Variants in FSTL5 observed in about 807,000 individuals in gnomAD.
FSTL5 encodes follistatin like 5, also known as follistatin-related protein 5.
In FSTL5, 62 loss-of-function variants were observed where a neutral mutation model predicts 89.1. That is an observed-to-expected ratio of 0.70 (90% CI 0.57 to 0.86). The LOEUF (loss-of-function observed/expected upper bound fraction) is 0.86. FSTL5 is among the 40% of genes least tolerant of loss of function. The pLI, the probability that FSTL5 is intolerant of heterozygous loss-of-function variation, is 0.00. For missense variants in FSTL5, 1,057 were observed against 1,001.6 expected (o/e 1.06, Z -0.75); for synonymous variants, 383 against 346.2 (o/e 1.11, Z -1.18).
chr4:161,684,478 G>A (rs1187053442), intron 6 of FSTL5, among the ~76,000 whole-genome samples: 1 of 152,124 alleles, frequency 6.6e-6, no homozygotes, highest in Non-Finnish European at 1.5e-5. Context: ...GAGTTAGGTT[G>A]AATAGCATTG....
chr4:161,431,999 C>A (rs1318982569), intron 15 of FSTL5, among the ~76,000 whole-genome samples: 2 of 151,954 alleles, frequency 1.3e-5, no homozygotes, highest in South Asian at 2.1e-4. Flanking sequence ...GAGAAATAGA[C>A]CCTAATAATA....
chr4:161,469,251 ATTTC>A (rs1378557950), intron 13 of FSTL5, among the ~76,000 whole-genome samples: 1 of 152,144 alleles, frequency 6.6e-6, no homozygotes, highest in African/African-American at 2.4e-5. Flanking sequence ...ATATTTCAGA[ATTTC>A]TTTCCCTTGT....
At chr4:161,587,170 A>G (rs1733642112) in intron 8 of FSTL5, among the ~76,000 whole-genome samples, 2 of 152,138 alleles carry the variant, frequency 1.3e-5, no homozygotes, top group African/African-American at 4.8e-5. Context: ...CCTAATTGTT[A>G]ATATTCTAAA....
intron 4 of FSTL5, among the ~76,000 whole-genome samples, chr4:161,848,339 TG>T (rs1423950146): frequency 5.3e-5 from 8 of 152,106 alleles, no homozygotes; most frequent in South Asian, 2.1e-4. Flanking sequence ...AGGAGAGAGA[TG>T]GTTACTATTT....
At chr4:161,618,677 C>G (rs895827484) in intron 7 of FSTL5, among the ~76,000 whole-genome samples, 1 of 152,254 alleles carries the variant, frequency 6.6e-6, no homozygotes, top group African/African-American at 2.4e-5. Flanking sequence ...ATGAAGCCCA[C>G]TTGATCATGG....
Position 161,508,874 on chromosome 4 carries a change from C to T in FSTL5, c.1339+1524G>A, listed in dbSNP as rs1578886320. 2.0e-5 allele frequency among the ~76,000 whole-genome samples: 3 copies of T among 152,204 alleles called. No individual in the cohort carries two copies. The East Asian group carries it at 5.8e-4, about 29-fold the overall frequency. ...TATGGCAAAGCTTCATACAAATTTTCCCAGCAATTAACCGTCAAAGCCAGA... is the reference window on the plus strand; with the variant it reads ...TATGGCAAAGCTTCATACAAATTTTTCCAGCAATTAACCGTCAAAGCCAGA... On this transcript the variant is annotated intron_variant, in intron 11 of 15. Transcript: ENST00000306100.
At position 161,510,810 on chromosome 4, in the gene FSTL5, ACT is replaced by A. The variant is rs143837956; in HGVS notation, c.1313-388_1313-387del. Among the ~76,000 whole-genome samples the A allele has an allele frequency of 5.7e-3, 864 of 151,882 alleles. 4 individuals carry two copies. Among genetic ancestry groups the A allele is most frequent in the African/African-American group, 0.02 (819 of 41,550 alleles). ...TTAAGTTGCTAATAGAAAAAGTTACACTCTTAAATTTTGCAATAATCACAATA... is the reference window on the plus strand; with the variant it reads ...TTAAGTTGCTAATAGAAAAAGTTACACTTAAATTTTGCAATAATCACAATA... On this transcript the variant is annotated intron_variant, in intron 10 of 15. Coordinates refer to ENST00000306100, the MANE Select transcript of FSTL5 (RefSeq NM_020116.5).
At position 161,510,417 on chromosome 4, in the gene FSTL5, G is replaced by A; in HGVS notation, c.1320C>T (p.Asn440=). Reference sequence around the variant, plus strand: ...TAGTACCTTCTTCTCTCCATAATATGTTAGCTACTGCAGCATGTTGAAAGA... The same window carrying A: ...TAGTACCTTCTTCTCTCCATAATATATTAGCTACTGCAGCATGTTGAAAGA... ...VEDSARKTLA[N]ILWREEGLGI... The change falls in exon 11 of 16, where the codon AAC becomes AAT. Residue 440 remains asparagine (N), a synonymous_variant. Transcript: ENST00000306100. 1 of 1,534,224 alleles carries A rather than the reference G, an allele frequency of 6.5e-7. No homozygotes were observed. The highest frequency in any genetic ancestry group is 1.3e-5 in the South Asian group (1 of 79,530).
chr4:162,108,444 A>G (rs1330609460), intron 2 of FSTL5, among the ~76,000 whole-genome samples: 1 of 152,032 alleles, frequency 6.6e-6, no homozygotes, highest in East Asian at 1.9e-4. Flanking sequence ...GATTCAAAGT[A>G]CTTACATTCT....
At chr4:161,791,179 G>A (rs761900996) in intron 4 of FSTL5, among the ~76,000 whole-genome samples, 3 of 149,750 alleles carry the variant, frequency 2.0e-5, no homozygotes, top group Non-Finnish European at 4.4e-5. Flanking sequence ...CAAAGAATTA[G>A]GGAGACAGGA....
At chr4:161,993,372 G>A (rs997800354) in intron 3 of FSTL5, among the ~76,000 whole-genome samples, 1 of 151,784 alleles carries the variant, frequency 6.6e-6, no homozygotes, top group African/African-American at 2.4e-5. Context: ...TATAATAAGG[G>A]CATATAATCA....
rs117072212 is a variant in FSTL5, at chr4:161,418,117, G to A, written c.1842-31668C>T. ...TTTTCCTCCTGCAGCCCAATGATGCGTACATTAAGTTCATTGGTGTGTTTA... is the reference window on the plus strand; with the variant it reads ...TTTTCCTCCTGCAGCCCAATGATGCATACATTAAGTTCATTGGTGTGTTTA... On this transcript the variant is annotated intron_variant, in intron 15 of 15. Transcript: ENST00000306100. Among the ~76,000 whole-genome samples, 493 of 152,192 alleles carry A rather than the reference G, an allele frequency of 3.2e-3. 13 individuals carry two copies. The East Asian group carries it at 0.054, about 17-fold the overall frequency.
At chr4:161,457,676 A>C (rs1357729160) in intron 14 of FSTL5, among the ~76,000 whole-genome samples, 1 of 152,098 alleles carries the variant, frequency 6.6e-6, no homozygotes, top group East Asian at 1.9e-4. Context: ...TTAAACTTTT[A>C]TGTTATACTA....
At position 162,146,696 on chromosome 4, in the gene FSTL5, T is replaced by G. The variant is rs1409468438; in HGVS notation, c.-17+16919A>C. ...TTCCCTTCCCTTCCCTTCCCTTCCC[T>G]TCCCTTCCCTTCCCCTTCCCCTTCC... On this transcript the variant is annotated intron_variant, in intron 1 of 15. Transcript: ENST00000306100. 2.0e-4 allele frequency among the ~76,000 whole-genome samples: 10 copies of G among 48,996 alleles called. No individual in the cohort carries two copies. In the Admixed American group the frequency reaches 2.3e-3, roughly 11 times the overall value. The allele number at this position is 48,996 out of a possible 152,430, so 32.1% of individuals were successfully genotyped here. A position where few individuals can be genotyped will look rare whatever the true frequency, so the allele number is the denominator to read the frequency against.
rs748476680 is a variant in FSTL5, at chr4:161,775,887, T to G, written c.597A>C (p.Glu199Asp). ...ADSNGLVDIN[E>D]LTQVIKQEEL... ...TAGTCACTAATCATACCTGAGTTAG[T>G]TCATTAATATCTACAAGTCCATTAC... The change falls in exon 5 of 16, where the codon GAA becomes GAC. Residue 199 changes from glutamate (E) to aspartate (D), a missense_variant. Coordinates refer to ENST00000306100, the MANE Select transcript of FSTL5 (RefSeq NM_020116.5). 2 of 1,526,860 alleles carry G rather than the reference T, an allele frequency of 1.3e-6. No individual in the cohort carries two copies. Among genetic ancestry groups the G allele is most frequent in the Admixed American group, 4.0e-5 (2 of 49,872 alleles). The allele number at this position is 1,526,860 out of a possible 1,614,324, so 94.6% of individuals were successfully genotyped here.
intron 4 of FSTL5, among the ~76,000 whole-genome samples, chr4:161,802,285 C>A (rs1459782524): frequency 6.6e-6 from 1 of 151,602 alleles, no homozygotes; most frequent in Non-Finnish European, 1.5e-5. Context: ...TTGATTATAA[C>A]CACTCTAAGC....
At chr4:161,687,472 A>C (rs2126715766) in intron 6 of FSTL5, among the ~76,000 whole-genome samples, 1 of 152,330 alleles carries the variant, frequency 6.6e-6, no homozygotes, top group South Asian at 2.1e-4. Flanking sequence ...TTTTTGCATA[A>C]CTACCTTAAA....
chr4:161,619,930 G>C (rs1242074584), intron 7 of FSTL5, among the ~76,000 whole-genome samples: 13 of 151,938 alleles, frequency 8.6e-5, no homozygotes, highest in Non-Finnish European at 1.3e-4. Context: ...CAAAGACTTG[G>C]AACCAACCCA....
At chr4:161,767,186 C>T (rs1007604626) in intron 5 of FSTL5, among the ~76,000 whole-genome samples, 40 of 152,180 alleles carry the variant, frequency 2.6e-4, no homozygotes, top group African/African-American at 8.9e-4. Flanking sequence ...GTTGGCCTGT[C>T]AAAAAGAATA....
Sources: allele counts gnomAD v4.1 joint callset (sites outside exome capture counted in the v4.1 genomes callset), GRCh38; gene constraint gnomAD v4.1.1; transcripts MANE v1.5; gene names NCBI Gene and HGNC (gene_info 2026-07-23, HGNC 2026-07-21).